Variants in RNF220 observed in about 807,000 individuals in gnomAD.
RNF220 encodes the protein E3 ubiquitin-protein ligase RNF220.
RNF220 carries 7 observed loss-of-function variants against 67.1 expected under a neutral mutation model. That is an observed-to-expected ratio of 0.10 (90% CI 0.06 to 0.20). The LOEUF is 0.20. RNF220 is among the 10% of genes least tolerant of loss of function. RNF220 has a pLI of 1.00. For missense variants in RNF220, 565 were observed against 740.3 expected (o/e 0.76, Z 2.75); for synonymous variants, 270 against 283.2 (o/e 0.95, Z 0.47).
At chr1:44,473,128 G>T (rs1654969395) in intron 2 of RNF220, among the ~76,000 whole-genome samples, 1 of 152,196 alleles carries the variant, frequency 6.6e-6, no homozygotes, top group Admixed American at 6.5e-5. Flanking sequence ...GCAGCCGTTT[G>T]TTCTGGAGGC....
intron 2 of RNF220, among the ~76,000 whole-genome samples, chr1:44,413,341 G>A (rs900750103): frequency 6.6e-6 from 1 of 152,178 alleles, no homozygotes; most frequent in Non-Finnish European, 1.5e-5. Flanking sequence ...CAGGTTTGCT[G>A]GATGCTTATC....
chr1:44,413,319 C>T (rs1018276102), intron 2 of RNF220, among the ~76,000 whole-genome samples: 1 of 152,196 alleles, frequency 6.6e-6, no homozygotes, highest in African/African-American at 2.4e-5. Flanking sequence ...GCCGACTTCT[C>T]TTGGGATTTC....
chr1:44,566,076 G>A (rs1438659878), intron 2 of RNF220, among the ~76,000 whole-genome samples: 3 of 152,142 alleles, frequency 2.0e-5, no homozygotes, highest in African/African-American at 7.2e-5. Flanking sequence ...GCTATTTCCG[G>A]CAAGGTGTTC....
At chr1:44,416,092 G>A (rs1451760445) in intron 2 of RNF220, among the ~76,000 whole-genome samples, 1 of 152,198 alleles carries the variant, frequency 6.6e-6, no homozygotes, top group Admixed American at 6.5e-5. Flanking sequence ...TCCTGAGGGA[G>A]GTGTTGTGCT....
rs375975564 is a variant in RNF220, at chr1:44,610,832, G to A, written c.626-3333G>A. Among the ~76,000 whole-genome samples, 9 of 152,312 alleles carry A rather than the reference G, an allele frequency of 5.9e-5. No individual in the cohort carries two copies. In the South Asian group the frequency reaches 1.9e-3, roughly 32 times the overall value. ...AGAGGATGCTTCCTCCCAAGCCTAG[G>A]AAGAGTATGGGGTTGAGGGCTTCAT... On this transcript the variant is annotated intron_variant, in intron 2 of 14. Coordinates refer to ENST00000361799, the MANE Select transcript of RNF220 (RefSeq NM_018150.4).
chr1:44,526,317 A>G (rs916617422), intron 2 of RNF220, among the ~76,000 whole-genome samples: 1 of 152,036 alleles, frequency 6.6e-6, no homozygotes, highest in Non-Finnish European at 1.5e-5. Flanking sequence ...CCCTCTCTCA[A>G]AATATTTCTC....
intron 2 of RNF220, among the ~76,000 whole-genome samples, chr1:44,420,963 G>A (rs75825350): frequency 0.012 from 1,764 of 152,306 alleles, 33 homozygotes; most frequent in African/African-American, 0.04. Flanking sequence ...AACTAGCAAT[G>A]TATGTAGGGT....
At chr1:44,431,691 C>T (rs767633057) in intron 2 of RNF220, among the ~76,000 whole-genome samples, 2 of 151,990 alleles carry the variant, frequency 1.3e-5, no homozygotes, top group Non-Finnish European at 2.9e-5. Context: ...AAGAAGACTA[C>T]ATCCCTGGCC....
chr1:44,484,469 G>A (rs1209288241), intron 2 of RNF220, among the ~76,000 whole-genome samples: 1 of 152,098 alleles, frequency 6.6e-6, no homozygotes, highest in African/African-American at 2.4e-5. Context: ...GTAGACTGCT[G>A]AGCACCAGTG....
In RNF220 at chr1:44,554,317, A is replaced by G. The variant is rs1460907054; in HGVS notation, c.626-59848A>G. On this transcript the variant is annotated intron_variant, in intron 2 of 14. Transcript: ENST00000361799. Reference sequence around the variant, plus strand: ...GGAGCTGGCAGCCTGGTAGGCATTGAGGAGGGACTTGGGCAAAAAAATTGA... The same window carrying G: ...GGAGCTGGCAGCCTGGTAGGCATTGGGGAGGGACTTGGGCAAAAAAATTGA... 2.0e-5 allele frequency among the ~76,000 whole-genome samples: 3 copies of G among 151,998 alleles called. No individual in the cohort carries two copies. In the East Asian group the frequency reaches 5.8e-4, roughly 29 times the overall value.
chr1:44,632,059 G>A (rs777407231), intron 5 of RNF220: 165 of 1,115,088 alleles, frequency 1.5e-4, no homozygotes, highest in Non-Finnish European at 1.8e-4. Flanking sequence ...CGCCCTCGCC[G>A]GCCGGGCGGC....
At position 44,650,626 on chromosome 1, in the gene RNF220, A is replaced by G. The variant is rs1261465498; in HGVS notation, c.1630-78A>G. The G allele has an allele frequency of 8.8e-6, 13 of 1,482,582 alleles. No homozygotes were observed. The highest frequency in any genetic ancestry group is 1.1e-5 in the South Asian group (1 of 88,082). 91.8% of individuals were successfully genotyped at this position (1,482,582 alleles called of 1,614,324 possible). On this transcript the variant is annotated intron_variant, in intron 14 of 14. Transcript: ENST00000361799. The surrounding 1 kb of genome is among the most constrained non-coding windows in gnomAD (Gnocchi z 4.3). ...TCAGCACACACTGGTGCAGAGAGACATGGCTGCAGGCCCAGGTGCTCACAT... is the reference window on the plus strand; with the variant it reads ...TCAGCACACACTGGTGCAGAGAGACGTGGCTGCAGGCCCAGGTGCTCACAT...
chr1:44,610,546 T>G (rs960463289), intron 2 of RNF220, among the ~76,000 whole-genome samples: 1 of 152,098 alleles, frequency 6.6e-6, no homozygotes, highest in African/African-American at 2.4e-5. Flanking sequence ...ACCAGGCCTG[T>G]GTGACCTAGA....
In RNF220 at chr1:44,622,176, C is replaced by G. The variant is rs1643822459; in HGVS notation, c.759-566C>G. On this transcript the variant is annotated intron_variant, in intron 3 of 14. Coordinates refer to ENST00000361799, the MANE Select transcript of RNF220 (RefSeq NM_018150.4). This position sits in a 1 kb window ranked among gnomAD's most constrained non-coding sequence, Gnocchi z 4.3. ...CACAGCCCATCCATCACCTCCCACCCCAGCCCCCGCCTGCTCTGAGCCGCC... is the reference window on the plus strand; with the variant it reads ...CACAGCCCATCCATCACCTCCCACCGCAGCCCCCGCCTGCTCTGAGCCGCC... 6.6e-6 allele frequency among the ~76,000 whole-genome samples: 1 copy of G among 152,200 alleles called. No homozygotes were observed. Among genetic ancestry groups the G allele is most frequent in the African/African-American group, 2.4e-5 (1 of 41,448 alleles).
chr1:44,412,705 A>G lies in RNF220; in HGVS notation c.608A>G (p.Glu203Gly). 1 of 1,613,970 alleles carries G rather than the reference A, an allele frequency of 6.2e-7. No homozygotes were observed. The highest frequency in any genetic ancestry group is 1.1e-5 in the South Asian group (1 of 91,054). ...ISDREASSSP[E>G]DRNDRCKKKA... ...GATCGGGAAGCCTCATCTAGCCCAGAGGATCGGAATGACAGATGTAAGTAC... is the reference window on the plus strand; with the variant it reads ...GATCGGGAAGCCTCATCTAGCCCAGGGGATCGGAATGACAGATGTAAGTAC... Residue 203 changes from glutamate (E) to glycine (G), a missense_variant, in exon 2 of 15, where the codon GAG becomes GGG. By Grantham distance (98) the Glu-to-Gly change is moderately conservative (BLOSUM62 -2). Transcript: ENST00000361799. This position sits in a 1 kb window ranked among gnomAD's most constrained non-coding sequence, Gnocchi z 5.3.
chr1:44,428,233 G>T (rs1034006722), intron 2 of RNF220, among the ~76,000 whole-genome samples: 4 of 152,304 alleles, frequency 2.6e-5, no homozygotes, highest in African/African-American at 9.6e-5. Flanking sequence ...TCTGGGTTTA[G>T]TAAAGGGCTT....
chr1:44,440,645 C>CA (rs1651452127), intron 2 of RNF220, among the ~76,000 whole-genome samples: 1 of 152,094 alleles, frequency 6.6e-6, no homozygotes, highest in Non-Finnish European at 1.5e-5. Context: ...TGTCTGATGC[C>CA]AAAAATCTGT....
At chr1:44,453,455 T>G (rs1274686557) in intron 2 of RNF220, among the ~76,000 whole-genome samples, 2 of 152,100 alleles carry the variant, frequency 1.3e-5, no homozygotes, top group Non-Finnish European at 2.9e-5. Context: ...TTGCGAGAGT[T>G]TTACATTTTT....
At chr1:44,570,245 T>C (rs891282628) in intron 2 of RNF220, among the ~76,000 whole-genome samples, 20 of 152,232 alleles carry the variant, frequency 1.3e-4, no homozygotes, top group African/African-American at 4.8e-4. Context: ...GTGGAGGTCC[T>C]GTTCCTGACT....
Sources: gnomAD v4.1 joint callset for allele counts (sites outside exome capture counted in the v4.1 genomes callset) on GRCh38, gnomAD v4.1.1 for gene constraint, Gnocchi (gnomAD v3.1) non-coding constraint, MANE v1.5 for transcripts, NCBI Gene and HGNC (gene_info 2026-07-23, HGNC 2026-07-21) for gene names.